The following CCDC91 variants were observed in gnomAD, a reference collection of about 807,000 sequenced individuals.
CCDC91 encodes coiled-coil domain-containing protein 91.
Under a neutral mutation model 63.2 loss-of-function variants are expected in CCDC91, and 48 were observed. The ratio of observed to expected loss-of-function variants is 0.76; its 90% confidence interval spans 0.60 to 0.97. The LOEUF (loss-of-function observed/expected upper bound fraction) is 0.97, where lower values mean the gene tolerates loss of function less well. Ranked by LOEUF, CCDC91 falls within the 50% of genes least tolerant of loss-of-function variation. The pLI, the probability that CCDC91 is intolerant of heterozygous loss-of-function variation, is 0.00. For synonymous variants in CCDC91, 167 were observed against 165.8 expected (o/e 1.01, Z -0.06); for missense variants, 500 against 494.6 (o/e 1.01, Z -0.10).
chr12:28,241,989 CCTT>C (rs1945367576), intron 1 of CCDC91, among the ~76,000 whole-genome samples: 1 of 136,686 alleles, frequency 7.3e-6, no homozygotes, highest in Admixed American at 7.4e-5. Context: ...GACCGAGACT[CCTT>C]CTCAAAAAAA....
intron 8 of CCDC91, among the ~76,000 whole-genome samples, chr12:28,417,915 G>C (rs1158427437): frequency 2.0e-5 from 3 of 151,908 alleles, no homozygotes. Context: ...TTCCATTACT[G>C]AGTGGTCCTA....
At chr12:28,380,835 C>G (rs1210673326) in intron 7 of CCDC91, among the ~76,000 whole-genome samples, 1 of 152,072 alleles carries the variant, frequency 6.6e-6, no homozygotes, top group Non-Finnish European at 1.5e-5. Flanking sequence ...TAAGGTCTAT[C>G]TAGATTCAAG....
At chr12:28,291,688 A>G (rs1949258896) in intron 3 of CCDC91, among the ~76,000 whole-genome samples, 1 of 152,194 alleles carries the variant, frequency 6.6e-6, no homozygotes, top group African/African-American at 2.4e-5. Context: ...TTGAGAAATG[A>G]TTCATTGTTG....
chr12:28,401,119 G>A (rs571731463), intron 8 of CCDC91, among the ~76,000 whole-genome samples: 1 of 152,164 alleles, frequency 6.6e-6, no homozygotes, highest in South Asian at 2.1e-4. Flanking sequence ...ACTCTCTGTG[G>A]TACCAATTTA....
chr12:28,194,712 C>G (rs568853168), intron 1 of CCDC91, among the ~76,000 whole-genome samples: 1 of 151,940 alleles, frequency 6.6e-6, no homozygotes, highest in Non-Finnish European at 1.5e-5. Flanking sequence ...GTGAGTGTTA[C>G]AGCTCATAGA....
intron 1 of CCDC91, among the ~76,000 whole-genome samples, chr12:28,235,558 TC>T (rs574781825): frequency 7.4e-5 from 11 of 149,270 alleles, no homozygotes; most frequent in African/African-American, 2.7e-4. Context: ...ACTCTTGTTC[TC>T]CCACCATTAG....
chr12:28,357,755 T>C (rs939869556), intron 6 of CCDC91, among the ~76,000 whole-genome samples: 2 of 152,148 alleles, frequency 1.3e-5, no homozygotes, highest in Admixed American at 1.3e-4. Flanking sequence ...TCCTCATTTA[T>C]AAAATGAACA....
intron 8 of CCDC91, among the ~76,000 whole-genome samples, chr12:28,410,081 A>G (rs1040493383): frequency 6.6e-6 from 1 of 152,090 alleles, no homozygotes; most frequent in Non-Finnish European, 1.5e-5. Flanking sequence ...TATTGTTACT[A>G]ATTTCCTGTG....
intron 8 of CCDC91, among the ~76,000 whole-genome samples, chr12:28,408,578 A>G (rs1178668484): frequency 6.6e-6 from 1 of 152,174 alleles, no homozygotes; most frequent in East Asian, 1.9e-4. Flanking sequence ...TGTTGCCCAC[A>G]TAAATGTCTT....
intron 11 of CCDC91, among the ~76,000 whole-genome samples, chr12:28,456,359 G>T (rs1337330154): frequency 6.6e-6 from 1 of 152,090 alleles, no homozygotes; most frequent in African/African-American, 2.4e-5. Context: ...GCTGATAATG[G>T]TTGTAGGGGA....
chr12:28,314,556 T>C (rs893955066), intron 6 of CCDC91, among the ~76,000 whole-genome samples: 5 of 152,014 alleles, frequency 3.3e-5, no homozygotes, highest in East Asian at 3.9e-4. Flanking sequence ...TGCGGTCTTA[T>C]GTAGGATTGG....
intron 1 of CCDC91, among the ~76,000 whole-genome samples, chr12:28,249,992 T>G (rs1946013491): frequency 6.6e-6 from 1 of 152,108 alleles, no homozygotes; most frequent in Non-Finnish European, 1.5e-5. Context: ...AGTGATTAGT[T>G]CTGCAAAATC....
At chr12:28,438,723 C>A (rs879836319) in intron 8 of CCDC91, among the ~76,000 whole-genome samples, 3 of 151,940 alleles carry the variant, frequency 2.0e-5, no homozygotes, top group African/African-American at 4.8e-5. Context: ...GAAACCATAA[C>A]CCTGTCATGA....
chr12:28,542,561 G>A (rs151021120), intron 12 of CCDC91, among the ~76,000 whole-genome samples: 1 of 152,162 alleles, frequency 6.6e-6, no homozygotes, highest in African/African-American at 2.4e-5. Flanking sequence ...AAGAGGTTAG[G>A]CCTAAATTTT....
intron 12 of CCDC91, among the ~76,000 whole-genome samples, chr12:28,497,263 C>T (rs1952353805): frequency 6.6e-6 from 1 of 151,328 alleles, no homozygotes; most frequent in South Asian, 2.1e-4. Context: ...ACCTGTTATC[C>T]ATGGCCTCTG....
At chr12:28,380,300 G>C (rs1945218373) in intron 7 of CCDC91, among the ~76,000 whole-genome samples, 1 of 152,040 alleles carries the variant, frequency 6.6e-6, no homozygotes, top group African/African-American at 2.4e-5. Context: ...TTGTGCACAT[G>C]TACCCTAGAA....
At chr12:28,449,219 C>A (rs1949681925) in intron 8 of CCDC91, among the ~76,000 whole-genome samples, 1 of 151,928 alleles carries the variant, frequency 6.6e-6, no homozygotes, top group Non-Finnish European at 1.5e-5. Flanking sequence ...TAGACTGTCT[C>A]CCTAAAAATG....
chr12:28,274,339 C>G (rs1240514082), intron 3 of CCDC91, among the ~76,000 whole-genome samples: 1 of 152,028 alleles, frequency 6.6e-6, no homozygotes, highest in Non-Finnish European at 1.5e-5. Context: ...TTTTTGGTTC[C>G]ACATGAACTT....
At chr12:28,200,856 C>A (rs1942187806) in intron 1 of CCDC91, among the ~76,000 whole-genome samples, 1 of 151,262 alleles carries the variant, frequency 6.6e-6, no homozygotes, top group African/African-American at 2.4e-5. Context: ...GGCGGCTGGG[C>A]AGAGGCGCCC....
Sources: allele counts gnomAD v4.1 joint callset (sites outside exome capture counted in the v4.1 genomes callset), GRCh38; gene constraint gnomAD v4.1.1; transcripts MANE v1.5; gene names NCBI Gene and HGNC (gene_info 2026-07-23, HGNC 2026-07-21).